Variants in DNAH9 observed in about 807,000 individuals in gnomAD.
DNAH9 encodes the protein DNAH9 variant protein.
A neutral mutation model predicts 471.6 loss-of-function variants in DNAH9; 345 were observed. That is an observed-to-expected ratio of 0.73 (90% CI 0.67 to 0.80). The LOEUF (loss-of-function observed/expected upper bound fraction) is 0.80. DNAH9 is among the 30% of genes least tolerant of loss of function. The pLI is 0.00. For missense variants in DNAH9, 5,407 were observed against 5,609.2 expected (o/e 0.96, Z 1.15); for synonymous variants, 2,093 against 2,123.6 (o/e 0.99, Z 0.40).
chr17:11,794,283 C>G (rs144107674), intron 42 of DNAH9, among the ~76,000 whole-genome samples: 2 of 152,136 alleles, frequency 1.3e-5, no homozygotes, highest in African/African-American at 2.4e-5. Flanking sequence ...TCACCGAGGT[C>G]GATCTCCTGA....
chr17:11,871,873 GTCC>G (rs2150986336), intron 52 of DNAH9, 87 bp downstream of exon 52: 1 of 1,414,842 alleles, frequency 7.1e-7, no homozygotes, highest in East Asian at 2.3e-5. Context: ...ATCCTCTGGT[GTCC>G]TCCTGCACAC....
At chr17:11,757,213 A>G (rs894597174) in intron 34 of DNAH9, among the ~76,000 whole-genome samples, 4 of 152,152 alleles carry the variant, frequency 2.6e-5, no homozygotes, top group African/African-American at 9.7e-5. Flanking sequence ...ATAGTTAGCC[A>G]TACTGTAGTG....
At position 11,721,423 on chromosome 17, in the gene DNAH9, A is replaced by G. The variant is rs567554035; in HGVS notation, c.5709+1933A>G. On this transcript the variant is annotated intron_variant, in intron 27 of 68. Coordinates refer to ENST00000262442, the MANE Select transcript of DNAH9 (RefSeq NM_001372.4). ...CAGAAGGGAGGTGCTCCCTTCCTGG[A>G]CACCAAATATCCCAGGTAACCAAAC... 3.9e-5 allele frequency among the ~76,000 whole-genome samples: 6 copies of G among 152,272 alleles called. No homozygotes were observed. The South Asian group carries it at 1.2e-3, about 32-fold the overall frequency.
intron 38 of DNAH9, among the ~76,000 whole-genome samples, chr17:11,778,054 C>A (rs2150890176): frequency 6.6e-6 from 1 of 152,084 alleles, no homozygotes; most frequent in East Asian, 1.9e-4. Flanking sequence ...GGGCGCGTAC[C>A]AGGGAAGACC....
intron 67 of DNAH9, among the ~76,000 whole-genome samples, chr17:11,952,627 G>T (rs958776675): frequency 9.2e-5 from 14 of 152,216 alleles, no homozygotes; most frequent in Admixed American, 5.2e-4. Flanking sequence ...TTGCTAAAGA[G>T]ACTATCAGGT....
At chr17:11,791,503 G>C (rs974161361) in intron 41 of DNAH9, among the ~76,000 whole-genome samples, 1 of 152,160 alleles carries the variant, frequency 6.6e-6, no homozygotes, top group Admixed American at 6.5e-5. Flanking sequence ...TTGAAGCCAG[G>C]AGTTCAAGAC....
At chr17:11,788,543 T>C (rs1968953592) in intron 41 of DNAH9, among the ~76,000 whole-genome samples, 1 of 152,216 alleles carries the variant, frequency 6.6e-6, no homozygotes, top group Admixed American at 6.5e-5. Context: ...GCCCTACATA[T>C]TGTCTAAACT....
chr17:11,601,854 T>G (rs545602650), intron 1 of DNAH9, among the ~76,000 whole-genome samples: 25 of 152,286 alleles, frequency 1.6e-4, no homozygotes, highest in Admixed American at 8.5e-4. Flanking sequence ...CTGAGAGACG[T>G]CTTCCTGCCT....
At chr17:11,640,459 A>G in intron 10 of DNAH9, 75 bp downstream of exon 10, 3 of 999,622 alleles carry the variant, frequency 3.0e-6, no homozygotes, top group Non-Finnish European at 1.6e-6. Context: ...TGTTGTAGAA[A>G]TGCAACCTGC....
At chr17:11,722,704 G>A (rs967688205) in intron 27 of DNAH9, among the ~76,000 whole-genome samples, 6 of 152,104 alleles carry the variant, frequency 3.9e-5, no homozygotes, top group Admixed American at 2.6e-4. Context: ...GGAGAACAGC[G>A]CAAAGACTTG....
intron 67 of DNAH9, among the ~76,000 whole-genome samples, chr17:11,956,811 C>A (rs1469719993): frequency 6.6e-6 from 1 of 151,312 alleles, no homozygotes; most frequent in South Asian, 2.1e-4. Flanking sequence ...GCATGAGATG[C>A]GAATATCAGC....
intron 37 of DNAH9, among the ~76,000 whole-genome samples, chr17:11,768,829 G>A (rs1201419486): frequency 6.6e-6 from 1 of 152,312 alleles, no homozygotes; most frequent in East Asian, 1.9e-4. Flanking sequence ...CCTCAAGAGA[G>A]GAGGAAATGG....
intron 68 of DNAH9, among the ~76,000 whole-genome samples, chr17:11,963,414 A>G (rs1976408037): frequency 6.6e-6 from 1 of 151,958 alleles, no homozygotes; most frequent in African/African-American, 2.4e-5. Flanking sequence ...AGCCTGGGCA[A>G]CAAGAGCAAA....
intron 61 of DNAH9, among the ~76,000 whole-genome samples, chr17:11,913,632 A>T (rs1215999532): frequency 1.3e-5 from 2 of 152,028 alleles, no homozygotes; most frequent in Non-Finnish European, 1.5e-5. Flanking sequence ...AATACAAAAA[A>T]TTAGCTGGGC....
At chr17:11,823,962 A>G (rs1402182688) in intron 48 of DNAH9, among the ~76,000 whole-genome samples, 1 of 151,868 alleles carries the variant, frequency 6.6e-6, no homozygotes, top group East Asian at 1.9e-4. Context: ...AAAGAAAGAA[A>G]GAAATCCCCT....
intron 48 of DNAH9, among the ~76,000 whole-genome samples, chr17:11,831,615 C>G (rs531040590): frequency 2.0e-5 from 3 of 152,164 alleles, no homozygotes; most frequent in Non-Finnish European, 4.4e-5. Context: ...GGCTTCTTCT[C>G]CTTCTATGGC....
intron 61 of DNAH9, among the ~76,000 whole-genome samples, chr17:11,921,231 GAAAAA>G (rs1230945943): frequency 1.4e-5 from 2 of 145,718 alleles, no homozygotes; most frequent in Non-Finnish European, 3.0e-5. Context: ...TGAAAAAAAA[GAAAAA>G]AAGGTGATTT....
chr17:11,797,538 T>C, intron 42 of DNAH9, 59 bp from the exon 43 acceptor site: 1 of 1,450,164 alleles, frequency 6.9e-7, no homozygotes, highest in Non-Finnish European at 9.5e-7. Flanking sequence ...GTCTCTGCTC[T>C]GTGGAACCAG....
intron 43 of DNAH9, among the ~76,000 whole-genome samples, chr17:11,801,340 A>G (rs1969450529): frequency 6.6e-6 from 1 of 152,066 alleles, no homozygotes; most frequent in Non-Finnish European, 1.5e-5. Context: ...CACTGCTGAA[A>G]CCTTAGTATC....
Sources: gnomAD v4.1 joint callset for allele counts (sites outside exome capture counted in the v4.1 genomes callset) on GRCh38, gnomAD v4.1.1 for gene constraint, MANE v1.5 for transcripts, NCBI Gene and HGNC (gene_info 2026-07-23, HGNC 2026-07-21) for gene names.